The following STK33 variants were observed in gnomAD, a reference collection of about 807,000 sequenced individuals.
STK33 encodes serine/threonine-protein kinase 33.
A neutral mutation model predicts 58.0 loss-of-function variants in STK33; 52 were observed. The ratio of observed to expected loss-of-function variants is 0.90; its 90% CI spans 0.72 to 1.13. STK33 has a LOEUF of 1.13. Ranked by LOEUF, STK33 falls within the 50% of genes most tolerant of loss-of-function variation. The pLI is 0.00. For synonymous variants in STK33, 215 were observed against 200.1 expected, an observed-to-expected ratio of 1.07 and a Z score of -0.63; for missense variants, 630 against 604.2, an observed-to-expected ratio of 1.04 and a Z score of -0.45.
chr11:8,558,269 T>C (rs893448016), intron 1 of STK33, among the ~76,000 whole-genome samples: 2 of 152,154 alleles, frequency 1.3e-5, no homozygotes, highest in African/African-American at 4.8e-5. Flanking sequence ...TTCAAAGAGA[T>C]ATAGTCAGTT....
chr11:8,423,184 TTTG>T (rs1942201120), intron 14 of STK33, among the ~76,000 whole-genome samples: 1 of 147,298 alleles, frequency 6.8e-6, no homozygotes, highest in African/African-American at 2.6e-5. Context: ...ATTTATTTAT[TTTG>T]TTTTTTTTTC....
the STK33 span, among the ~76,000 whole-genome samples, chr11:8,369,476 G>A: frequency 6.6e-6 from 1 of 150,644 alleles, no homozygotes; most frequent in African/African-American, 2.4e-5. Context: ...GAGGCTAAGG[G>A]AGTCCTGCCT....
intron 5 of STK33, 98 bp from the exon 6 acceptor site, chr11:8,473,374 G>T (rs1355730823): frequency 1.4e-6 from 1 of 719,898 alleles, no homozygotes; most frequent in Admixed American, 2.6e-5. Flanking sequence ...ACTCTTTAAC[G>T]TGTGCCATGT....
chr11:8,341,823 T>C, the STK33 span, among the ~76,000 whole-genome samples: 8 of 152,188 alleles, frequency 5.3e-5, no homozygotes, highest in Non-Finnish European at 2.9e-5. Flanking sequence ...GAATGATAAA[T>C]AGAGTGTAAA....
the STK33 span, among the ~76,000 whole-genome samples, chr11:8,351,301 A>G: frequency 0.078 from 11,817 of 151,296 alleles, 524 homozygotes; most frequent in African/African-American, 0.11. Flanking sequence ...AACCTTACCC[A>G]CCCCTACCTC....
chr11:8,374,957 A>T, the STK33 span, among the ~76,000 whole-genome samples: 1 of 152,196 alleles, frequency 6.6e-6, no homozygotes, highest in Non-Finnish European at 1.5e-5. Flanking sequence ...TTTGGCAGGG[A>T]AGTATAGTTC....
At chr11:8,337,854 C>T in the STK33 span, among the ~76,000 whole-genome samples, 1 of 152,164 alleles carries the variant, frequency 6.6e-6, no homozygotes, top group Admixed American at 6.5e-5. Flanking sequence ...ATCCCCAAGG[C>T]TCATGCCCTC....
intron 1 of STK33, among the ~76,000 whole-genome samples, chr11:8,524,024 C>T (rs1156383404): frequency 6.6e-6 from 1 of 152,200 alleles, no homozygotes; most frequent in African/African-American, 2.4e-5. Context: ...ACCCCCAACC[C>T]AGTGCTCTCT....
the STK33 span, among the ~76,000 whole-genome samples, chr11:8,350,531 C>T: frequency 1.3e-5 from 2 of 152,162 alleles, no homozygotes; most frequent in African/African-American, 2.4e-5. Context: ...CTCACCTTCC[C>T]GTGCAGGGAC....
chr11:8,536,837 G>A (rs1223478058), intron 1 of STK33, among the ~76,000 whole-genome samples: 5 of 150,154 alleles, frequency 3.3e-5, no homozygotes, highest in Non-Finnish European at 1.5e-5. Flanking sequence ...GGAGTACAAT[G>A]GCATGATGAT....
At chr11:8,425,859 C>T (rs1265293629) in intron 14 of STK33, among the ~76,000 whole-genome samples, 1 of 152,116 alleles carries the variant, frequency 6.6e-6, no homozygotes, top group Non-Finnish European at 1.5e-5. Context: ...CTCGCTTCTT[C>T]TGTGTCCCGC....
chr11:8,518,021 C>T (rs969936077), intron 1 of STK33, among the ~76,000 whole-genome samples: 1 of 152,056 alleles, frequency 6.6e-6, no homozygotes, highest in African/African-American at 2.4e-5. Flanking sequence ...AGAAGAGCAA[C>T]CCCAAGACAC....
chr11:8,342,173 A>G, the STK33 span, among the ~76,000 whole-genome samples: 1 of 152,194 alleles, frequency 6.6e-6, no homozygotes, highest in Non-Finnish European at 1.5e-5. Flanking sequence ...ATTCAAAGAT[A>G]TTCTCATTTG....
chr11:8,527,902 A>G lies in STK33; in HGVS notation c.-465-47288T>C, dbSNP rs560972527. On this transcript the variant is annotated intron_variant, in intron 1 of 15. Transcript: ENST00000687296. ...TAGATGCAAAAGGCAACTATAGATT[A>G]TCTAATTAAATATTTGAATTATATA... Among the ~76,000 whole-genome samples, 11 of 152,362 alleles carry G rather than the reference A, an allele frequency of 7.2e-5. No homozygotes were observed. In the South Asian group the frequency reaches 2.3e-3, roughly 32 times the overall value.
chr11:8,370,612 G>C, the STK33 span, among the ~76,000 whole-genome samples: 1 of 152,142 alleles, frequency 6.6e-6, no homozygotes, highest in African/African-American at 2.4e-5. Context: ...ACAGATACGG[G>C]GCCCAGACCT....
the STK33 span, among the ~76,000 whole-genome samples, chr11:8,366,599 G>A: frequency 0.048 from 7,356 of 152,244 alleles, 241 homozygotes; most frequent in Non-Finnish European, 0.069. Flanking sequence ...TCCCCTCTGT[G>A]CTCTGCGAGG....
chr11:8,442,447 AG>A (rs1182925999), intron 11 of STK33, among the ~76,000 whole-genome samples: 3 of 152,194 alleles, frequency 2.0e-5, no homozygotes, highest in Non-Finnish European at 4.4e-5. Context: ...CTTAATTATC[AG>A]GGGCATTTCG....
intron 9 of STK33, among the ~76,000 whole-genome samples, chr11:8,456,485 C>T (rs1242801155): frequency 6.6e-6 from 1 of 152,184 alleles, no homozygotes; most frequent in African/African-American, 2.4e-5. Flanking sequence ...AATCTAGGAC[C>T]AATCTCAATG....
chr11:8,340,051 T>C, the STK33 span, among the ~76,000 whole-genome samples: 7 of 152,276 alleles, frequency 4.6e-5, no homozygotes, highest in African/African-American at 1.4e-4. Context: ...TTGGGGAACC[T>C]GCTTTAATGA....
Sources: gnomAD v4.1 joint callset for allele counts (sites outside exome capture counted in the v4.1 genomes callset) on GRCh38, gnomAD v4.1.1 for gene constraint, MANE v1.5 for transcripts, NCBI Gene and HGNC (gene_info 2026-07-23, HGNC 2026-07-21) for gene names.